Variants in ACVR1 observed in about 807,000 individuals in gnomAD.
ACVR1 encodes the protein activin A receptor type 1.
Under a neutral mutation model 57.1 loss-of-function variants are expected in ACVR1, and 38 were observed. The observed-to-expected ratio is 0.67, with a 90% CI of 0.51 to 0.87. ACVR1 has a LOEUF of 0.87. Among genes scored for constraint, ACVR1 ranks in the 40% least tolerant of loss-of-function variants. The pLI is 0.00. For missense variants in ACVR1, 463 were observed against 638.2 expected (o/e 0.73, Z 2.96); for synonymous variants, 212 against 228.1 (o/e 0.93, Z 0.63).
chr2:157,774,242 T>G (rs976161699), intron 5 of ACVR1, 55 bp from the exon 6 acceptor site: 1 of 1,421,236 alleles, frequency 7.0e-7, no homozygotes, highest in African/African-American at 1.4e-5. Context: ...GCTCCCACTT[T>G]GGAGTATTAG....
chr2:157,799,448 G>A lies in ACVR1; in HGVS notation c.46C>T (p.Leu16Phe). 1 of 1,612,070 alleles carries A rather than the reference G, an allele frequency of 6.2e-7. No homozygotes were observed. Among genetic ancestry groups the A allele is most frequent in the Non-Finnish European group, 8.5e-7 (1 of 1,178,812 alleles). Reference protein sequence around the residue: ...MILPVLIMIALPSPSMEDEKP... With the variant: ...MILPVLIMIAFPSPSMEDEKP... The stretch of plus-strand genomic sequence containing the variant: ...TTACCTTCCATACTAGGGGAGGGGA[G>A]AGCAATCATGATAAGCACAGGAAGA... The change falls in exon 3 of 11, where the codon CTC becomes TTC. Residue 16 changes from leucine (L) to phenylalanine (F), a missense_variant. Leu to Phe is a conservative substitution (Grantham distance 22). This residue lies in a region of ACVR1 where 203 missense variants were observed against 235.5 expected (regional missense o/e 0.86). Coordinates refer to ENST00000434821, the MANE Select transcript of ACVR1 (RefSeq NM_001111067.4).
chr2:157,781,207 A>G (rs1414589928), intron 3 of ACVR1, among the ~76,000 whole-genome samples: 1 of 152,214 alleles, frequency 6.6e-6, no homozygotes, highest in African/African-American at 2.4e-5. Context: ...ATTGGGGAAT[A>G]GTTGTATTTA....
chr2:157,798,847 T>A, intron 3 of ACVR1, among the ~76,000 whole-genome samples: 1 of 151,192 alleles, frequency 6.6e-6, no homozygotes, highest in African/African-American at 2.4e-5. Flanking sequence ...TTTAAACACA[T>A]GTTTTATTGT....
chr2:157,847,117 G>A (rs1440173566), intron 1 of ACVR1, among the ~76,000 whole-genome samples: 2 of 152,184 alleles, frequency 1.3e-5, no homozygotes, highest in Non-Finnish European at 2.9e-5. Context: ...TTGCACAGGA[G>A]AGTATCTTTC....
intron 3 of ACVR1, among the ~76,000 whole-genome samples, chr2:157,787,545 TCC>T (rs1246561188): frequency 6.6e-6 from 1 of 152,132 alleles, no homozygotes; most frequent in East Asian, 1.9e-4. Context: ...GGGAAGAAAG[TCC>T]CAGTGAATTG....
chr2:157,827,488 T>C (rs1688427630), intron 1 of ACVR1, among the ~76,000 whole-genome samples: 1 of 152,226 alleles, frequency 6.6e-6, no homozygotes, highest in Non-Finnish European at 1.5e-5. Context: ...TGTATAAGTG[T>C]TTGCCAGTCC....
chr2:157,749,985 C>T (rs1225974783), intron 9 of ACVR1, among the ~76,000 whole-genome samples: 1 of 152,220 alleles, frequency 6.6e-6, no homozygotes, highest in African/African-American at 2.4e-5. Context: ...CTGCTGCCAC[C>T]ACTGGTGTGT....
intron 3 of ACVR1, among the ~76,000 whole-genome samples, chr2:157,794,850 C>T (rs544018205): frequency 2.0e-5 from 3 of 151,032 alleles, no homozygotes; most frequent in Non-Finnish European, 4.4e-5. Context: ...TTCCATAGAA[C>T]TTGAGAAATG....
At chr2:157,765,816 A>G in intron 8 of ACVR1, 105 bp downstream of exon 8, 2 of 1,182,366 alleles carry the variant, frequency 1.7e-6, no homozygotes, top group East Asian at 2.5e-5. Flanking sequence ...ACTTTTCTGC[A>G]TGTTTGAAAT....
At chr2:157,740,589 T>C (rs1254462320) in intron 9 of ACVR1, among the ~76,000 whole-genome samples, 2 of 152,204 alleles carry the variant, frequency 1.3e-5, no homozygotes, top group Non-Finnish European at 2.9e-5. Context: ...AAATCTAGCA[T>C]AACAGCCATC....
intron 2 of ACVR1, among the ~76,000 whole-genome samples, chr2:157,805,711 A>C (rs750129112): frequency 6.8e-6 from 1 of 146,578 alleles, no homozygotes; most frequent in Admixed American, 6.8e-5. Context: ...ACCCACCACC[A>C]CTCTACACAA....
chr2:157,812,931 T>G (rs1460282389), intron 2 of ACVR1, among the ~76,000 whole-genome samples: 1 of 152,186 alleles, frequency 6.6e-6, no homozygotes, highest in Non-Finnish European at 1.5e-5. Flanking sequence ...AGTCTAGGGT[T>G]CAGATCAGTG....
intron 1 of ACVR1, among the ~76,000 whole-genome samples, chr2:157,858,910 T>C (rs1380963337): frequency 6.6e-6 from 1 of 152,204 alleles, no homozygotes; most frequent in Non-Finnish European, 1.5e-5. Context: ...TGAGCCAGCA[T>C]GCCCCATCTG....
chr2:157,875,423 A>C, intron 1 of ACVR1: 1 of 153,256 alleles, frequency 6.5e-6, no homozygotes, highest in East Asian at 1.9e-4. Context: ...CTAGGAAGGT[A>C]AGCCCCGTGG....
intron 3 of ACVR1, chr2:157,790,035 C>G (rs1420916388): frequency 1.3e-5 from 2 of 152,416 alleles, no homozygotes; most frequent in Non-Finnish European, 2.9e-5. Flanking sequence ...CCAAATGGAA[C>G]TGCTCAGAAG....
At chr2:157,784,080 C>T (rs543172440) in intron 3 of ACVR1, among the ~76,000 whole-genome samples, 33 of 152,284 alleles carry the variant, frequency 2.2e-4, no homozygotes, top group African/African-American at 7.5e-4. Flanking sequence ...TTAATATCCA[C>T]AATTCTAAGG....
At chr2:157,803,427 T>A (rs1687397526) in intron 2 of ACVR1, among the ~76,000 whole-genome samples, 1 of 151,862 alleles carries the variant, frequency 6.6e-6, no homozygotes, top group Non-Finnish European at 1.5e-5. Context: ...ACCAGTAAAC[T>A]CAGCTATTAA....
intron 9 of ACVR1, among the ~76,000 whole-genome samples, chr2:157,740,471 G>A (rs1032201335): frequency 1.2e-4 from 18 of 152,144 alleles, no homozygotes; most frequent in African/African-American, 2.2e-4. Context: ...TATTTTATGC[G>A]TTTTCTAGGG....
intron 9 of ACVR1, among the ~76,000 whole-genome samples, chr2:157,748,014 A>G (rs1223571209): frequency 6.6e-6 from 1 of 152,162 alleles, no homozygotes; most frequent in Non-Finnish European, 1.5e-5. Context: ...CAATCAAAAC[A>G]TTCTCCCTTC....
Sources: gnomAD v4.1 joint callset for allele counts (sites outside exome capture counted in the v4.1 genomes callset) on GRCh38, gnomAD v4.1.1 for gene constraint, gnomAD v4.1.1 regional missense constraint, MANE v1.5 for transcripts, NCBI Gene and HGNC (gene_info 2026-07-23, HGNC 2026-07-21) for gene names.